TMPRSS4: variants seen among roughly 807,000 people sequenced by gnomAD.
TMPRSS4 encodes transmembrane protease serine 4.
In TMPRSS4, 45 loss-of-function variants were observed where a neutral mutation model predicts 56.4. The observed-to-expected ratio is 0.80, with a 90% CI of 0.63 to 1.02. The LOEUF (loss-of-function observed/expected upper bound fraction) is 1.02, where lower values mean the gene tolerates loss of function less well. TMPRSS4 is among the 50% of genes least tolerant of loss of function. The pLI is 0.00. For missense variants in TMPRSS4, 546 were observed against 556.7 expected, an observed-to-expected ratio of 0.98 and a Z score of 0.19; for synonymous variants, 205 against 211.0, an observed-to-expected ratio of 0.97 and a Z score of 0.25.
chr11:118,114,940 T>G lies in TMPRSS4; in HGVS notation c.1009+13T>G. 1 of 1,589,918 alleles carries G rather than the reference T, an allele frequency of 6.3e-7. No individual in the cohort carries two copies. Among genetic ancestry groups the G allele is most frequent in the South Asian group, 1.1e-5 (1 of 87,398 alleles). On this transcript the variant is annotated intron_variant, in intron 10 of 12. Coordinates refer to ENST00000437212, the MANE Select transcript of TMPRSS4 (RefSeq NM_019894.4). The stretch of plus-strand genomic sequence containing the variant: ...AAGCAGAATGGAGGTAAGTCCTGGG[T>G]GCAGGACCACAGGGCAGGAGATGCC...
downstream of TMPRSS4, among the ~76,000 whole-genome samples, chr11:118,124,946 C>G (rs1947860082): frequency 6.6e-6 from 1 of 152,250 alleles, no homozygotes; most frequent in Non-Finnish European, 1.5e-5. Context: ...CCGCTTACTT[C>G]TTTGAATGGG....
At chr11:118,084,137 GCATCTCT>G (rs1392685862) in intron 1 of TMPRSS4, among the ~76,000 whole-genome samples, 12 of 152,114 alleles carry the variant, frequency 7.9e-5, no homozygotes, top group Non-Finnish European at 1.6e-4. Flanking sequence ...GAGACTTACT[GCATCTCT>G]CTTTCTCTCT....
At chr11:118,084,841 G>T (rs994723886) in intron 1 of TMPRSS4, among the ~76,000 whole-genome samples, 3 of 152,172 alleles carry the variant, frequency 2.0e-5, no homozygotes, top group Admixed American at 2.0e-4. Flanking sequence ...TTATTAACTT[G>T]CTCAAGACTT....
At chr11:118,113,988 C>T (rs994656527) in intron 9 of TMPRSS4, among the ~76,000 whole-genome samples, 2 of 152,238 alleles carry the variant, frequency 1.3e-5, no homozygotes, top group African/African-American at 4.8e-5. Flanking sequence ...ATTCCATTGT[C>T]AAATAAGTTT....
chr11:118,096,922 AG>A (rs66491313), intron 2 of TMPRSS4, among the ~76,000 whole-genome samples: 10 of 49,234 alleles, frequency 2.0e-4, no homozygotes, highest in South Asian at 5.8e-4. Flanking sequence ...GGAGAGAGAA[AG>A]GAAAGAAAGA....
chr11:118,094,999 C>T, intron 2 of TMPRSS4, 144 bp downstream of exon 2: 1 of 830,958 alleles, frequency 1.2e-6, no homozygotes, highest in Non-Finnish European at 2.0e-6. Context: ...CCCGTCCATC[C>T]ATCACTCAGC....
In TMPRSS4 at chr11:118,103,246, A is replaced by C. The variant is rs1329953816; in HGVS notation, c.303A>C (p.Ala101=). 1 of 1,613,554 alleles carries C rather than the reference A, an allele frequency of 6.2e-7. No individual in the cohort carries two copies. Among genetic ancestry groups the C allele is most frequent in the Admixed American group, 1.7e-5 (1 of 60,030 alleles). ...HCVKSFPEGP[A]VAVRLSKDRS... ...TCAAGAGCTTCCCCGAAGGGCCTGCAGTGGCAGGTGAGTGCAGGGTCTGAG... is the reference window on the plus strand; with the variant it reads ...TCAAGAGCTTCCCCGAAGGGCCTGCCGTGGCAGGTGAGTGCAGGGTCTGAG... The change falls in exon 4 of 13, where the codon GCA becomes GCC. Residue 101 remains alanine (A), a synonymous_variant. Transcript: ENST00000437212.
In TMPRSS4 at chr11:118,121,615, TC is replaced by T. The variant is rs901586585; in HGVS notation, c.*3705del. ...CTCAAGTGATCCCCCCGCCTCGGCCTCCCAAAGTGCTGGGATTACAGGCGTG... is the reference window on the plus strand; with the variant it reads ...CTCAAGTGATCCCCCCGCCTCGGCCTCCAAAGTGCTGGGATTACAGGCGTG... On this transcript the variant is annotated 3_prime_UTR_variant, in exon 13 of 13. Transcript: ENST00000437212. 1 of 152,220 alleles carries T rather than the reference TC, an allele frequency of 6.6e-6. No individual in the cohort carries two copies. Among genetic ancestry groups the T allele is most frequent in the African/African-American group, 2.4e-5 (1 of 41,456 alleles). The allele number at this position is 152,220 out of a possible 1,614,324, so 9.4% of individuals were successfully genotyped here.
rs756420267 is a variant in TMPRSS4, at chr11:118,107,765, T to G, written c.441-9T>G. 2 of 1,613,380 alleles carry G rather than the reference T, an allele frequency of 1.2e-6. No individual in the cohort carries two copies. Among genetic ancestry groups the G allele is most frequent in the Non-Finnish European group, 1.7e-6 (2 of 1,179,456 alleles). ...GCTCACAACTCTCTCTCCCTCTTGA[T>G]GTGAGCAGCAAACCCACTTTCAGAG... On this transcript the variant is annotated splice_polypyrimidine_tract_variant and intron_variant, in intron 5 of 12. Coordinates refer to ENST00000437212, the MANE Select transcript of TMPRSS4 (RefSeq NM_019894.4).
chr11:118,089,313 T>C lies in TMPRSS4; in HGVS notation c.4-5503T>C, dbSNP rs1945797354. 2.0e-5 allele frequency among the ~76,000 whole-genome samples: 3 copies of C among 152,266 alleles called. No individual in the cohort carries two copies. The South Asian group carries it at 6.2e-4, about 32-fold the overall frequency. On this transcript the variant is annotated intron_variant, in intron 1 of 12. Coordinates refer to ENST00000437212, the MANE Select transcript of TMPRSS4 (RefSeq NM_019894.4). ...AAGAATGAGCTACTCATGGGGAAAC[T>C]CAGGCAGCACAACAGTAAGGGCAGA...
At chr11:118,092,529 C>T (rs1307375499) in intron 1 of TMPRSS4, among the ~76,000 whole-genome samples, 1 of 152,180 alleles carries the variant, frequency 6.6e-6, no homozygotes, top group African/African-American at 2.4e-5. Context: ...CCGTCAGGTG[C>T]AGGGTCTGCA....
intron 3 of TMPRSS4, 61 bp from the exon 4 acceptor site, chr11:118,103,040 C>G (rs529461950): frequency 6.3e-7 from 1 of 1,585,714 alleles, no homozygotes; most frequent in Admixed American, 1.7e-5. Context: ...GAAAACCCAG[C>G]GTCTCCCTGC....
At chr11:118,078,093 G>A (rs573552505) in intron 1 of TMPRSS4, among the ~76,000 whole-genome samples, 21 of 150,816 alleles carry the variant, frequency 1.4e-4, no homozygotes, top group African/African-American at 4.6e-4. Flanking sequence ...ACAATCTAGG[G>A]TGTTTGTGGT....
At chr11:118,125,220 G>T (rs1947865239), downstream of TMPRSS4, 2 of 454,274 alleles carry the variant, frequency 4.4e-6, no homozygotes, top group Non-Finnish European at 8.9e-6. Flanking sequence ...GATTGTCTGT[G>T]GGGTAAATGT....
rs1298196817 is a variant in TMPRSS4, at chr11:118,104,851, C to T, written c.440+31C>T. ...CAACCTGGGCCTCTCTCCTTTTTCCCTCCTTCCTCCTTCCTCCTCTTCCTC... is the reference window on the plus strand; with the variant it reads ...CAACCTGGGCCTCTCTCCTTTTTCCTTCCTTCCTCCTTCCTCCTCTTCCTC... On this transcript the variant is annotated intron_variant, in intron 5 of 12. Coordinates refer to ENST00000437212, the MANE Select transcript of TMPRSS4 (RefSeq NM_019894.4). 3.3e-6 allele frequency: 5 copies of T among 1,515,210 alleles called. No homozygotes were observed. In the African/African-American group the frequency reaches 4.2e-5, roughly 13 times the overall value. 93.9% of individuals were successfully genotyped at this position (1,515,210 alleles called of 1,614,324 possible).
chr11:118,078,183 G>A (rs1049879119), intron 1 of TMPRSS4, among the ~76,000 whole-genome samples: 1 of 152,002 alleles, frequency 6.6e-6, no homozygotes, highest in Non-Finnish European at 1.5e-5. Context: ...CGCTGTCTTG[G>A]GGCAAAGAGA....
At chr11:118,100,544 G>A (rs1174291468) in intron 3 of TMPRSS4, among the ~76,000 whole-genome samples, 1 of 152,176 alleles carries the variant, frequency 6.6e-6, no homozygotes, top group African/African-American at 2.4e-5. Flanking sequence ...TCTCGTGGCG[G>A]TGGAAATGCA....
intron 1 of TMPRSS4, among the ~76,000 whole-genome samples, chr11:118,089,539 A>G (rs1472344907): frequency 2.0e-5 from 3 of 152,228 alleles, no homozygotes; most frequent in East Asian, 1.9e-4. Context: ...ATAAGCCTCC[A>G]TAAACCCATC....
Position 118,077,248 on chromosome 11 carries a change from G to A in TMPRSS4, c.-55G>A. 6.3e-7 allele frequency: 1 copy of A among 1,584,186 alleles called. No individual in the cohort carries two copies. Among genetic ancestry groups the A allele is most frequent in the Non-Finnish European group, 8.6e-7 (1 of 1,164,964 alleles). On this transcript the variant is annotated 5_prime_UTR_variant, in exon 1 of 13. Transcript: ENST00000437212. ...GTGGGGAGGCCCTCCTGCTGCCTTG[G>A]GGTGACAATCTCAGCTCCAGGCTAC...
Sources: allele counts gnomAD v4.1 joint callset (sites outside exome capture counted in the v4.1 genomes callset), GRCh38; gene constraint gnomAD v4.1.1; transcripts MANE v1.5; gene names NCBI Gene and HGNC (gene_info 2026-07-23, HGNC 2026-07-21).